RAPGEF6: variants seen among roughly 807,000 people sequenced by gnomAD.
RAPGEF6 encodes Rap guanine nucleotide exchange factor 6, also known as PDZ domain containing guanine nucleotide exchange factor (GEF) 2.
RAPGEF6 carries 56 observed loss-of-function variants against 171.4 expected under a neutral mutation model. That is an observed-to-expected ratio of 0.33 (90% CI 0.26 to 0.41). The LOEUF is 0.41. Ranked by LOEUF, RAPGEF6 falls within the 10% of genes least tolerant of loss-of-function variation. The pLI, the probability that RAPGEF6 is intolerant of heterozygous loss-of-function variation, is 1.00. For synonymous variants in RAPGEF6, 692 were observed against 650.1 expected, an observed-to-expected ratio of 1.06 and a Z score of -0.98; for missense variants, 1,674 against 1,921.4, an observed-to-expected ratio of 0.87 and a Z score of 2.41.
intron 16 of RAPGEF6, among the ~76,000 whole-genome samples, chr5:131,476,297 T>A (rs1245627557): frequency 6.6e-6 from 1 of 152,086 alleles, no homozygotes; most frequent in Non-Finnish European, 1.5e-5. Flanking sequence ...CATTTTAAAA[T>A]ATTTATTGGC....
At chr5:131,468,531 C>T (rs1262907777) in intron 17 of RAPGEF6, among the ~76,000 whole-genome samples, 2 of 97,018 alleles carry the variant, frequency 2.1e-5, no homozygotes, top group Non-Finnish European at 4.4e-5. Flanking sequence ...TATGTACTGA[C>T]CCTGAGATTA....
At chr5:131,511,715 A>G (rs913828531) in intron 7 of RAPGEF6, among the ~76,000 whole-genome samples, 10 of 151,992 alleles carry the variant, frequency 6.6e-5, no homozygotes, top group Non-Finnish European at 1.5e-4. Flanking sequence ...TGCCCAGGCT[A>G]GTCTTGAACT....
At chr5:131,494,481 G>A (rs1348088274) in intron 13 of RAPGEF6, among the ~76,000 whole-genome samples, 2 of 152,208 alleles carry the variant, frequency 1.3e-5, no homozygotes, top group Non-Finnish European at 1.5e-5. Flanking sequence ...TGCACTGATA[G>A]TGAAACAGAG....
At chr5:131,605,391 C>T (rs1764493967) in intron 1 of RAPGEF6, among the ~76,000 whole-genome samples, 1 of 152,152 alleles carries the variant, frequency 6.6e-6, no homozygotes, top group Admixed American at 6.5e-5. Flanking sequence ...TAAAAGCAGA[C>T]AAGCTACGAG....
intron 1 of RAPGEF6, among the ~76,000 whole-genome samples, chr5:131,613,079 A>T (rs1765033563): frequency 6.6e-6 from 1 of 152,210 alleles, no homozygotes; most frequent in Non-Finnish European, 1.5e-5. Flanking sequence ...AGTCCTTCAC[A>T]ACATCTGTAA....
intron 13 of RAPGEF6, among the ~76,000 whole-genome samples, chr5:131,494,951 C>T (rs1756532146): frequency 6.6e-6 from 1 of 152,062 alleles, no homozygotes; most frequent in Admixed American, 6.6e-5. Context: ...CATATAACAC[C>T]AGGTTTATAA....
chr5:131,591,547 G>T (rs1008880754), intron 4 of RAPGEF6, among the ~76,000 whole-genome samples: 6 of 152,196 alleles, frequency 3.9e-5, no homozygotes, highest in African/African-American at 1.4e-4. Context: ...CCAAGAAACA[G>T]TAGAGCAGAT....
chr5:131,437,161 C>A (rs1209246854), intron 24 of RAPGEF6, among the ~76,000 whole-genome samples: 1 of 152,166 alleles, frequency 6.6e-6, no homozygotes, highest in African/African-American at 2.4e-5. Context: ...CAAGAACAAG[C>A]TGAAACAGTT....
At chr5:131,537,049 A>G (rs1759822467) in intron 6 of RAPGEF6, among the ~76,000 whole-genome samples, 1 of 152,210 alleles carries the variant, frequency 6.6e-6, no homozygotes, top group Non-Finnish European at 1.5e-5. Context: ...CTAAAAGGTA[A>G]TAACGTTAGG....
At chr5:131,611,402 G>A (rs1764927072) in intron 1 of RAPGEF6, among the ~76,000 whole-genome samples, 1 of 152,124 alleles carries the variant, frequency 6.6e-6, no homozygotes, top group Non-Finnish European at 1.5e-5. Context: ...GGGTGTGGTG[G>A]CTCACACCTG....
chr5:131,447,606 T>C (rs900592132), intron 21 of RAPGEF6, among the ~76,000 whole-genome samples: 1 of 150,548 alleles, frequency 6.6e-6, no homozygotes. Flanking sequence ...TTTATTTAGA[T>C]GGTATTTTAT....
chr5:131,472,527 A>G (rs1346862692), intron 17 of RAPGEF6, 60 bp downstream of exon 17: 5 of 1,556,786 alleles, frequency 3.2e-6, no homozygotes, highest in Non-Finnish European at 4.4e-6. Flanking sequence ...CACAAGGCTT[A>G]ACCATCTATT....
At chr5:131,529,788 G>A (rs1461197538) in intron 6 of RAPGEF6, among the ~76,000 whole-genome samples, 1 of 151,338 alleles carries the variant, frequency 6.6e-6, no homozygotes, top group Non-Finnish European at 1.5e-5. Context: ...GTGTGCATCT[G>A]TGGTCCCAGC....
At chr5:131,592,843 CAGA>C (rs1303329937) in intron 3 of RAPGEF6, among the ~76,000 whole-genome samples, 3 of 151,894 alleles carry the variant, frequency 2.0e-5, no homozygotes, top group East Asian at 1.9e-4. Context: ...AAAAAGAAAA[CAGA>C]AGAATTGTAT....
chr5:131,514,279 C>A (rs1246260407), intron 7 of RAPGEF6, among the ~76,000 whole-genome samples: 1 of 151,994 alleles, frequency 6.6e-6, no homozygotes, highest in African/African-American at 2.4e-5. Context: ...TAAAGACCAA[C>A]TCCTTGATTA....
intron 1 of RAPGEF6, among the ~76,000 whole-genome samples, chr5:131,625,715 C>T (rs1022433248): frequency 2.0e-5 from 3 of 151,282 alleles, no homozygotes; most frequent in African/African-American, 7.3e-5. Context: ...ACTCGGGAGG[C>T]TGAGACAAGA....
rs1753962156 is a variant in RAPGEF6 at position 131,461,957 on chromosome 5, C to T, written c.2612G>A (p.Arg871Lys). The T allele has an allele frequency of 6.2e-7, 1 of 1,614,106 alleles. No homozygotes were observed. Among genetic ancestry groups the T allele is most frequent in the Non-Finnish European group, 8.5e-7 (1 of 1,180,004 alleles). The change falls in exon 19 of 28, where the codon AGG becomes AAG. Residue 871 changes from arginine to lysine, a missense_variant. This residue lies in a region of RAPGEF6 where 1,116 missense variants were observed against 1,321.5 expected (regional missense o/e 0.84). Coordinates refer to ENST00000509018, the MANE Select transcript of RAPGEF6 (RefSeq NM_016340.6). ...AATATTACGAAACAAATCAAAGTCC[C>T]TCATTGACAGCTGGGTGGCCACCTC... Reference protein sequence around the residue: ...TIEVATQLSMRDFDLFRNIEP... With the variant: ...TIEVATQLSMKDFDLFRNIEP...
intron 1 of RAPGEF6, among the ~76,000 whole-genome samples, chr5:131,611,126 T>G (rs1764910134): frequency 6.6e-6 from 1 of 152,196 alleles, no homozygotes; most frequent in Non-Finnish European, 1.5e-5. Flanking sequence ...GCTCTTCCAC[T>G]CAAACTTCCT....
chr5:131,595,262 T>G (rs539709446), intron 3 of RAPGEF6, among the ~76,000 whole-genome samples: 20 of 146,258 alleles, frequency 1.4e-4, no homozygotes, highest in African/African-American at 5.1e-4. Flanking sequence ...AGTGTGGCAT[T>G]TCCCCCCATC....
Sources: allele counts gnomAD v4.1 joint callset (sites outside exome capture counted in the v4.1 genomes callset), GRCh38; gene constraint gnomAD v4.1.1; regional missense constraint gnomAD v4.1.1; transcripts MANE v1.5; gene names NCBI Gene and HGNC (gene_info 2026-07-23, HGNC 2026-07-21).